The following GAPDHS variants were observed in gnomAD, a reference collection of about 807,000 sequenced individuals.
GAPDHS encodes glyceraldehyde-3-phosphate dehydrogenase, spermatogenic.
A neutral mutation model predicts 48.7 loss-of-function variants in GAPDHS; 42 were observed. The observed-to-expected ratio is 0.86, with a 90% CI of 0.67 to 1.12. The LOEUF (loss-of-function observed/expected upper bound fraction) is 1.12. GAPDHS is among the 50% of genes most tolerant of loss of function. GAPDHS has a pLI of 0.00. For synonymous variants in GAPDHS, 166 were observed against 219.1 expected (o/e 0.76, Z 2.14); for missense variants, 512 against 557.7 (o/e 0.92, Z 0.82).
rs761152272 is a variant in GAPDHS, at chr19:35,545,143, C to A, written c.1200C>A (p.Leu400=). The stretch of plus-strand genomic sequence containing the variant: ...ACAGTCACCGGGTGGTCGACCTCCT[C>A]CGCTACATGTTCAGCCGAGACAAGT... ...YGYSHRVVDL[L]RYMFSRDK Residue 400 remains leucine (L), a synonymous_variant, in exon 11 of 11, where the codon CTC becomes CTA. Transcript: ENST00000222286. The A allele has an allele frequency of 6.2e-7, 1 of 1,614,046 alleles. No homozygotes were observed. Among genetic ancestry groups the A allele is most frequent in the East Asian group, 2.2e-5 (1 of 44,872 alleles).
rs777976199 is a variant in GAPDHS, at chr19:35,543,648, C to T, written c.894-17C>T. 3 of 1,612,182 alleles carry T rather than the reference C, an allele frequency of 1.9e-6. No individual in the cohort carries two copies. Among genetic ancestry groups the T allele is most frequent in the South Asian group, 1.1e-5 (1 of 90,770 alleles). ...TCCCTAAGTTCTGACTCCTGTTCCT[C>T]ATGGGGGATTCTCCAGGAAGCTGAC... On this transcript the variant is annotated splice_polypyrimidine_tract_variant and intron_variant, in intron 8 of 10. Coordinates refer to ENST00000222286, the MANE Select transcript of GAPDHS (RefSeq NM_014364.5).
chr19:35,539,971 C>T (rs2071491061), intron 4 of GAPDHS, among the ~76,000 whole-genome samples: 1 of 152,230 alleles, frequency 6.6e-6, no homozygotes, highest in Non-Finnish European at 1.5e-5. Context: ...TTCCCCGCCC[C>T]TCCAGCCCCC....
rs991436147 is a variant in GAPDHS, at chr19:35,533,603, G to A, written c.67+9G>A. On this transcript the variant is annotated intron_variant, in intron 1 of 10. Transcript: ENST00000222286. ...GCGACAGCCGTGCCCGGGTGAGGGA[G>A]GCAGCGGAGGGCGCGGGGGAGGGGT... 1 of 1,606,208 alleles carries A rather than the reference G, an allele frequency of 6.2e-7. No homozygotes were observed. Among genetic ancestry groups the A allele is most frequent in the Non-Finnish European group, 8.5e-7 (1 of 1,176,148 alleles).
chr19:35,544,136 G>C (rs2071527344), intron 9 of GAPDHS: 1 of 310,710 alleles, frequency 3.2e-6, no homozygotes, highest in Admixed American at 4.7e-5. Flanking sequence ...CATAGTCACT[G>C]TTGGCCCCAG....
In GAPDHS at chr19:35,543,753, T is replaced by A. The variant is rs749293789; in HGVS notation, c.982T>A (p.Ser328Thr). Reference sequence around the variant, plus strand: ...CCGCCTCGCCCAGCCTGCCCCCTACTCAGCCATCAAGGAGGCTGTAAAAGC... The same window carrying A: ...CCGCCTCGCCCAGCCTGCCCCCTACACAGCCATCAAGGAGGCTGTAAAAGC... The part of the protein sequence containing the change: ...TCRLAQPAPY[S>T]AIKEAVKAAA... The change falls in exon 9 of 11, where the codon TCA (serine) becomes ACA (threonine). Residue 328 changes from serine to threonine, a missense_variant. Ser to Thr is a moderately conservative substitution (Grantham distance 58). Transcript: ENST00000222286. 16 of 1,613,806 alleles carry A rather than the reference T, an allele frequency of 9.9e-6. No homozygotes were observed. Among genetic ancestry groups the A allele is most frequent in the Non-Finnish European group, 1.4e-5 (16 of 1,179,996 alleles).
chr19:35,543,677 G>C lies in GAPDHS; in HGVS notation c.906G>C (p.Gly302=). 6.2e-7 allele frequency: 1 copy of C among 1,613,886 alleles called. No individual in the cohort carries two copies. Among genetic ancestry groups the C allele is most frequent in the South Asian group, 1.1e-5 (1 of 91,076 alleles). Residue 302 remains glycine (G), a synonymous_variant, in exon 9 of 11, where the codon GGG becomes GGC. Coordinates refer to ENST00000222286, the MANE Select transcript of GAPDHS (RefSeq NM_014364.5). The part of the protein sequence containing the change: ...VIPELKGKLT[G]MAFRVPTPDV... ...GGGGATTCTCCAGGAAGCTGACAGG[G>C]ATGGCGTTCCGGGTACCAACCCCGG...
At chr19:35,535,575 C>T (rs1047962009) in intron 1 of GAPDHS, among the ~76,000 whole-genome samples, 8 of 151,470 alleles carry the variant, frequency 5.3e-5, no homozygotes, top group Non-Finnish European at 7.4e-5. Context: ...TTAGTAGAGA[C>T]GGGGTTTCTG....
chr19:35,543,117 A>G, intron 7 of GAPDHS, 91 bp downstream of exon 7: 1 of 1,125,552 alleles, frequency 8.9e-7, no homozygotes, highest in East Asian at 2.4e-5. Context: ...GTTAAGAGGG[A>G]GAGACTGGTT....
At chr19:35,544,617 AG>A in intron 9 of GAPDHS, 6 of 430,382 alleles carry the variant, frequency 1.4e-5, no homozygotes, top group Middle Eastern at 6.4e-4. Context: ...CCCCTCAGAG[AG>A]GCCCTCCATG....
intron 4 of GAPDHS, 93 bp downstream of exon 4, chr19:35,538,776 G>A (rs906230015): frequency 1.8e-5 from 14 of 799,208 alleles, no homozygotes; most frequent in Non-Finnish European, 2.4e-5. Flanking sequence ...CTCACATGGG[G>A]TGCTGAAACC....
At chr19:35,544,436 T>C (rs2071530101) in intron 9 of GAPDHS, 1 of 171,348 alleles carries the variant, frequency 5.8e-6, no homozygotes, top group African/African-American at 2.4e-5. Context: ...TTTAATGGAA[T>C]CACATTGCAT....
intron 7 of GAPDHS, 110 bp from the exon 8 acceptor site, chr19:35,543,230 G>C: frequency 7.7e-7 from 1 of 1,296,560 alleles, no homozygotes; most frequent in Non-Finnish European, 1.1e-6. Flanking sequence ...GTGGTCTGTG[G>C]TGGTGGCCCC....
rs373139974 is a variant in GAPDHS at position 35,543,318 on chromosome 19, C to T, written c.742-22C>T. The T allele has an allele frequency of 8.7e-6, 14 of 1,607,922 alleles. No individual in the cohort carries two copies. The African/African-American group carries it at 1.9e-4, about 22-fold the overall frequency. ...GAGCTTAGGAGCATGAAGGCCTCATCTTGGTCCTTCTCTTCCCCAAGACCA... is the reference window on the plus strand; with the variant it reads ...GAGCTTAGGAGCATGAAGGCCTCATTTTGGTCCTTCTCTTCCCCAAGACCA... On this transcript the variant is annotated intron_variant, in intron 7 of 10. Coordinates refer to ENST00000222286, the MANE Select transcript of GAPDHS (RefSeq NM_014364.5).
intron 1 of GAPDHS, among the ~76,000 whole-genome samples, 198 bp downstream of exon 1, chr19:35,533,792 C>T (rs1600128367): frequency 6.6e-6 from 1 of 152,208 alleles, no homozygotes; most frequent in Admixed American, 6.5e-5. Flanking sequence ...GCGGGGAGAC[C>T]GGGCCTCCGC....
rs1408375635 is a variant in GAPDHS, at chr19:35,545,162, G to A, written c.1219G>A (p.Asp407Asn). ...CCTCCTCCGCTACATGTTCAGCCGA[G>A]ACAAGTGAAACGGGAAGGTCCTTTC... ...VDLLRYMFSR[D>N]K The change falls in exon 11 of 11, where the codon GAC becomes AAC. Residue 407 changes from aspartate to asparagine, a missense_variant. Asp to Asn is a conservative substitution (Grantham distance 23). Coordinates refer to ENST00000222286, the MANE Select transcript of GAPDHS (RefSeq NM_014364.5). 1.1e-5 allele frequency: 17 copies of A among 1,613,256 alleles called. No homozygotes were observed. The highest frequency in any genetic ancestry group is 1.2e-5 in the Non-Finnish European group (14 of 1,179,298).
At chr19:35,540,552 CCATG>C (rs79521054) in intron 4 of GAPDHS, among the ~76,000 whole-genome samples, 21,990 of 152,032 alleles carry the variant, frequency 0.14, 1,688 homozygotes, top group South Asian at 0.18. Flanking sequence ...AAGAGGATAA[CCATG>C]CATGTGTGAT....
chr19:35,545,014 G>A lies in GAPDHS; in HGVS notation c.1154+8G>A, dbSNP rs1348389336. On this transcript the variant is annotated splice_region_variant and intron_variant, in intron 10 of 10. Coordinates refer to ENST00000222286, the MANE Select transcript of GAPDHS (RefSeq NM_014364.5). ...CGTGAAGCTCATTTCATGGTAAGGG[G>A]GAAGGAGCTGGAGACTTAGAGGGAG... 2.5e-6 allele frequency: 4 copies of A among 1,610,382 alleles called. No individual in the cohort carries two copies. In the African/African-American group the frequency reaches 5.3e-5, roughly 22 times the overall value.
intron 1 of GAPDHS, among the ~76,000 whole-genome samples, chr19:35,536,561 G>A (rs2071467109): frequency 6.6e-6 from 1 of 151,688 alleles, no homozygotes; most frequent in Non-Finnish European, 1.5e-5. Flanking sequence ...GGGTGACAGA[G>A]CAATACTCTG....
rs140780234 is a variant in GAPDHS, at chr19:35,542,869, C to T, written c.660-76C>T. ...TCATAAAACCAAGTCTGCGTGCATA[C>T]CCCAAGAGGGGTAAGGGTGGAGGGG... is the stretch of plus-strand genomic sequence containing the variant. On this transcript the variant is annotated intron_variant, in intron 6 of 10. Transcript: ENST00000222286. The T allele has an allele frequency of 5.4e-6, 6 of 1,110,228 alleles. No individual in the cohort carries two copies. The Admixed American group carries it at 8.5e-5, about 16-fold the overall frequency. 68.8% of individuals were successfully genotyped at this position (1,110,228 alleles called of 1,614,324 possible). A position where few individuals can be genotyped will look rare whatever the true frequency, so the allele number is the denominator to read the frequency against.
Sources: allele counts gnomAD v4.1 joint callset (sites outside exome capture counted in the v4.1 genomes callset), GRCh38; gene constraint gnomAD v4.1.1; transcripts MANE v1.5; gene names NCBI Gene and HGNC (gene_info 2026-07-23, HGNC 2026-07-21).